The following PTPRG variants were observed in gnomAD, a reference collection of about 807,000 sequenced individuals.
PTPRG encodes receptor-type tyrosine-protein phosphatase gamma.
A neutral mutation model predicts 165.3 loss-of-function variants in PTPRG; 102 were observed. The observed-to-expected ratio is 0.62, with a 90% CI of 0.53 to 0.73. The LOEUF (loss-of-function observed/expected upper bound fraction) is 0.73. Among genes scored for constraint, PTPRG ranks in the 30% least tolerant of loss-of-function variants. The pLI is 0.00. For synonymous variants in PTPRG, 675 were observed against 669.5 expected, an observed-to-expected ratio of 1.01 and a Z score of -0.13; for missense variants, 1,866 against 1,861.4, an observed-to-expected ratio of 1.00 and a Z score of -0.05.
chr3:61,597,417 G>A (rs1030160386), intron 1 of PTPRG, among the ~76,000 whole-genome samples: 1 of 152,164 alleles, frequency 6.6e-6, no homozygotes, highest in African/African-American at 2.4e-5. Context: ...ATTCAAGGAT[G>A]TGGAACCTGC....
chr3:62,056,298 G>A (rs559714705), intron 4 of PTPRG, among the ~76,000 whole-genome samples: 9 of 152,304 alleles, frequency 5.9e-5, no homozygotes, highest in Non-Finnish European at 1.2e-4. Flanking sequence ...GTATAGGAGT[G>A]ATATTCTATT....
Position 62,218,882 on chromosome 3 carries a change from C to G in PTPRG, c.2187C>G (p.Arg729=). ...AEKNTSGMIS[R]PAPGRMEWII... ...AAAACACCTCTGGAATGATAAGCCGCCCTGCTCCAGGGAGGATGGAGTGGA... is the reference window on the plus strand; with the variant it reads ...AAAACACCTCTGGAATGATAAGCCGGCCTGCTCCAGGGAGGATGGAGTGGA... Residue 729 remains arginine, a synonymous_variant, in exon 13 of 30, where the codon CGC becomes CGG. Coordinates refer to ENST00000474889, the MANE Select transcript of PTPRG (RefSeq NM_002841.4). The G allele has an allele frequency of 6.2e-7, 1 of 1,614,026 alleles. No individual in the cohort carries two copies. The highest frequency in any genetic ancestry group is 8.5e-7 in the Non-Finnish European group (1 of 1,179,946).
chr3:61,755,392 G>C (rs1305436894), intron 2 of PTPRG, among the ~76,000 whole-genome samples: 35 of 152,116 alleles, frequency 2.3e-4, no homozygotes, highest in Admixed American at 2.3e-3. Context: ...TCAGCTCAAA[G>C]GCTCCCTGTG....
intron 2 of PTPRG, among the ~76,000 whole-genome samples, chr3:61,751,766 G>T (rs1055618635): frequency 2.0e-5 from 3 of 151,986 alleles, no homozygotes; most frequent in African/African-American, 7.2e-5. Flanking sequence ...CGAGGTGGGC[G>T]GATCGCGAGG....
At chr3:61,778,160 C>T (rs990602726) in intron 2 of PTPRG, among the ~76,000 whole-genome samples, 1 of 152,002 alleles carries the variant, frequency 6.6e-6, no homozygotes, top group Middle Eastern at 3.2e-3. Flanking sequence ...ACAAAACGCT[C>T]AGAAAAGTGA....
intron 5 of PTPRG, among the ~76,000 whole-genome samples, chr3:62,096,036 G>A (rs1376851122): frequency 6.6e-6 from 1 of 152,164 alleles, no homozygotes; most frequent in African/African-American, 2.4e-5. Context: ...GGACTAACTT[G>A]GTTGGCATTT....
At chr3:61,898,849 G>T (rs1575764752) in intron 2 of PTPRG, among the ~76,000 whole-genome samples, 1 of 152,152 alleles carries the variant, frequency 6.6e-6, no homozygotes, top group Non-Finnish European at 1.5e-5. Flanking sequence ...TTGAGCCTTG[G>T]TTCTGGAAAT....
chr3:61,695,104 G>A (rs1327545406), intron 1 of PTPRG, among the ~76,000 whole-genome samples: 11 of 151,768 alleles, frequency 7.2e-5, no homozygotes, highest in Non-Finnish European at 1.5e-4. Context: ...TCCGCCTCCC[G>A]GGTTCAAGTG....
chr3:62,090,456 T>A (rs549597373), intron 5 of PTPRG, among the ~76,000 whole-genome samples: 84 of 152,164 alleles, frequency 5.5e-4, no homozygotes, highest in African/African-American at 2.0e-3. Flanking sequence ...ATGTTTAGGG[T>A]CATATCTGAA....
intron 2 of PTPRG, among the ~76,000 whole-genome samples, chr3:61,888,937 T>A (rs1435983386): frequency 6.6e-6 from 1 of 152,226 alleles, no homozygotes; most frequent in African/African-American, 2.4e-5. Context: ...CCCTGATACT[T>A]CTTTGTGATT....
chr3:61,709,323 TA>T lies in PTPRG; in HGVS notation c.86-39554del, dbSNP rs199809702. On this transcript the variant is annotated intron_variant, in intron 1 of 29. Coordinates refer to ENST00000474889, the MANE Select transcript of PTPRG (RefSeq NM_002841.4). ...CATTTTATTTTTTATTTTATTTATT[TA>T]TTTTTTTTGAAATGGGGTCTCGCTC... Among the ~76,000 whole-genome samples, 1,090 of 152,312 alleles carry T rather than the reference TA, an allele frequency of 7.2e-3. 16 individuals are homozygous for T. Among genetic ancestry groups the T allele is most frequent in the African/African-American group, 0.024 (987 of 41,564 alleles).
At chr3:61,631,710 T>G (rs1348431309) in intron 1 of PTPRG, among the ~76,000 whole-genome samples, 1 of 152,208 alleles carries the variant, frequency 6.6e-6, no homozygotes, top group Non-Finnish European at 1.5e-5. Flanking sequence ...TTAAATACTA[T>G]AAAAGTGCTT....
chr3:61,940,313 A>G (rs915930511), intron 2 of PTPRG, among the ~76,000 whole-genome samples: 1 of 152,180 alleles, frequency 6.6e-6, no homozygotes, highest in African/African-American at 2.4e-5. Context: ...CTTTAAATGA[A>G]AAATAACCTT....
rs561623236 is a variant in PTPRG at position 62,214,131 on chromosome 3, G to A, written c.2156-4720G>A. Among the ~76,000 whole-genome samples, 9 of 152,324 alleles carry A rather than the reference G, an allele frequency of 5.9e-5. No homozygotes were observed. The highest frequency in any genetic ancestry group is 2.2e-4 in the African/African-American group (9 of 41,574). On this transcript the variant is annotated intron_variant, in intron 12 of 29. Transcript: ENST00000474889. This position sits in a 1 kb window ranked among gnomAD's most constrained non-coding sequence, Gnocchi z 5.2. ...GCAATCTCATCATAGGCAGCCCTTTGTGCTGATACTCAGCACATCTGAAGT... is the reference window on the plus strand; with the variant it reads ...GCAATCTCATCATAGGCAGCCCTTTATGCTGATACTCAGCACATCTGAAGT...
chr3:61,802,634 A>C (rs746347842), intron 2 of PTPRG, among the ~76,000 whole-genome samples: 4 of 152,070 alleles, frequency 2.6e-5, no homozygotes, highest in Non-Finnish European at 5.9e-5. Flanking sequence ...CCATTCTTTC[A>C]TTCTCAAAAT....
intron 2 of PTPRG, among the ~76,000 whole-genome samples, chr3:61,766,863 G>A (rs2034035006): frequency 6.6e-6 from 1 of 151,678 alleles, no homozygotes; most frequent in Non-Finnish European, 1.5e-5. Flanking sequence ...CAAATGATCT[G>A]CACACCTTGG....
intron 2 of PTPRG, among the ~76,000 whole-genome samples, chr3:61,922,344 A>C (rs2107563938): frequency 6.6e-6 from 1 of 152,364 alleles, no homozygotes. Context: ...AATGCTTGGC[A>C]TGCAGGCTTC....
chr3:61,794,125 T>C (rs2034977260), intron 2 of PTPRG, among the ~76,000 whole-genome samples: 1 of 152,192 alleles, frequency 6.6e-6, no homozygotes, highest in African/African-American at 2.4e-5. Context: ...CCATTTTGCA[T>C]GAATGCTTTT....
intron 2 of PTPRG, among the ~76,000 whole-genome samples, chr3:61,824,786 A>G (rs1052589592): frequency 6.6e-6 from 1 of 152,236 alleles, no homozygotes; most frequent in Non-Finnish European, 1.5e-5. Context: ...GCAAGACCTC[A>G]TGTCAAAACA....
Sources: allele counts gnomAD v4.1 joint callset (sites outside exome capture counted in the v4.1 genomes callset), GRCh38; gene constraint gnomAD v4.1.1; non-coding constraint Gnocchi (gnomAD v3.1); transcripts MANE v1.5; gene names NCBI Gene and HGNC (gene_info 2026-07-23, HGNC 2026-07-21).